Variants in MED14 observed in about 807,000 individuals in gnomAD.
MED14 encodes the protein mediator of RNA polymerase II transcription subunit 14.
In MED14, 8 loss-of-function variants were observed where a neutral mutation model predicts 109.0. The ratio of observed to expected loss-of-function variants is 0.07; its 90% CI spans 0.04 to 0.13. The LOEUF is 0.13. MED14 is among the 10% of genes least tolerant of loss of function. The pLI is 1.00. For missense variants in MED14, 711 were observed against 1,142.4 expected (o/e 0.62, Z 5.44); for synonymous variants, 399 against 408.7 (o/e 0.98, Z 0.29).
rs948254965 is a variant in MED14 at position 40,651,692 on chromosome X, T to C, written c.*114A>G. 9.3e-7 allele frequency: 1 copy of C among 1,069,769 alleles called. No homozygotes were observed. Among genetic ancestry groups the C allele is most frequent in the African/African-American group, 1.9e-5 (1 of 51,483 alleles). The allele number at this position is 1,069,769 out of a possible 1,213,427, so 88.2% of individuals were successfully genotyped here. A position where few individuals can be genotyped will look rare whatever the true frequency, so the allele number is the denominator to read the frequency against. On this transcript the variant is annotated 3_prime_UTR_variant, in exon 31 of 31. Coordinates refer to ENST00000324817, the MANE Select transcript of MED14 (RefSeq NM_004229.4). Reference sequence around the variant, plus strand: ...TGAAAATTTTTGCCAGTTTAGAATATTTAGCTCTTAAAGTTTAAAAAAAAA... The same window carrying C: ...TGAAAATTTTTGCCAGTTTAGAATACTTAGCTCTTAAAGTTTAAAAAAAAA...
At chrX:40,724,136 G>A (rs1931822998) in intron 3 of MED14, among the ~76,000 whole-genome samples, 1 of 112,151 alleles carries the variant, frequency 8.9e-6, no homozygotes, top group African/African-American at 3.2e-5. Context: ...TTCAGCAAAA[G>A]GATATGATTG....
chrX:40,727,724 C>T lies in MED14; in HGVS notation c.243-873G>A, dbSNP rs755626691. 2.9e-4 allele frequency among the ~76,000 whole-genome samples: 32 copies of T among 111,556 alleles called. 1 individual carries two copies. Among genetic ancestry groups the T allele is most frequent in the Admixed American group, 1.0e-3 (11 of 10,508 alleles). The stretch of plus-strand genomic sequence containing the variant: ...ACCGATGACCAGACCCAGCAGGACA[C>T]CAACCTCCCTCCAAGTAGACTCTGA... On this transcript the variant is annotated intron_variant, in intron 2 of 30. Transcript: ENST00000324817.
chrX:40,661,368 C>T (rs773166696), intron 26 of MED14, among the ~76,000 whole-genome samples: 1 of 108,212 alleles, frequency 9.2e-6, no homozygotes, highest in East Asian at 2.8e-4. Context: ...AGGCATGAGC[C>T]ACCACGCCTG....
At chrX:40,723,374 C>T (rs1413095740) in intron 3 of MED14, among the ~76,000 whole-genome samples, 2 of 111,347 alleles carry the variant, frequency 1.8e-5, no homozygotes, top group African/African-American at 6.5e-5. Context: ...AAATCAAAAA[C>T]CATACAATGG....
intron 19 of MED14, 62 bp downstream of exon 19, chrX:40,681,790 T>C (rs1483186625): frequency 1.6e-6 from 1 of 631,125 alleles, no homozygotes; most frequent in East Asian, 3.6e-5. Context: ...TTTTCATGTT[T>C]TTTTAATTCT....
intron 30 of MED14, among the ~76,000 whole-genome samples, chrX:40,653,279 AAAG>A (rs1314113140): frequency 1.8e-5 from 2 of 111,811 alleles, no homozygotes; most frequent in Non-Finnish European, 3.8e-5. Flanking sequence ...TTTTTAGCTG[AAAG>A]AAGAGAGAAG....
At chrX:40,734,158 T>C (rs1444548705) in intron 1 of MED14, among the ~76,000 whole-genome samples, 1 of 111,998 alleles carries the variant, frequency 8.9e-6, no homozygotes. Flanking sequence ...AATCCAACAA[T>C]AAATGGTGCA....
intron 10 of MED14, among the ~76,000 whole-genome samples, chrX:40,703,891 C>T (rs185188170): frequency 2.2e-4 from 25 of 112,298 alleles, no homozygotes; most frequent in African/African-American, 5.5e-4. Context: ...TTTACTTTCA[C>T]TTGGTAATTA....
In MED14 at chrX:40,650,811, G is replaced by A; in HGVS notation, c.*995C>T. ...CAATTTTGGTGGGGAAGGAAAGGAG[G>A]ATAAGTTAAGCAAGATAAAGAAAGC... On this transcript the variant is annotated 3_prime_UTR_variant, in exon 31 of 31. Coordinates refer to ENST00000324817, the MANE Select transcript of MED14 (RefSeq NM_004229.4). The A allele has an allele frequency of 1.3e-6, 1 of 753,734 alleles. No individual in the cohort carries two copies. Among genetic ancestry groups the A allele is most frequent in the Non-Finnish European group, 1.6e-6 (1 of 638,820 alleles). 62.1% of individuals were successfully genotyped at this position (753,734 alleles called of 1,213,427 possible).
intron 28 of MED14, among the ~76,000 whole-genome samples, chrX:40,658,522 C>T (rs1037051513): frequency 4.5e-5 from 5 of 109,903 alleles, no homozygotes; most frequent in Non-Finnish European, 9.5e-5. Flanking sequence ...GAAAAAAGTA[C>T]AAAACAGGAT....
intron 22 of MED14, among the ~76,000 whole-genome samples, chrX:40,672,312 C>T (rs1232105863): frequency 8.9e-6 from 1 of 111,986 alleles, no homozygotes; most frequent in African/African-American, 3.2e-5. Flanking sequence ...ACATTTTCCC[C>T]CCACACTTTA....
Position 40,664,495 on chromosome X carries a change from A to C in MED14, c.3266-6T>G. ...GGAACTAGGGTCAAGAGTTCCTATAAAAAAGGTAAACAAATGATTCTCAAA... is the reference window on the plus strand; with the variant it reads ...GGAACTAGGGTCAAGAGTTCCTATACAAAAGGTAAACAAATGATTCTCAAA... On this transcript the variant is annotated splice_polypyrimidine_tract_variant and splice_region_variant and intron_variant, in intron 24 of 30. Coordinates refer to ENST00000324817, the MANE Select transcript of MED14 (RefSeq NM_004229.4). 1 of 1,052,229 alleles carries C rather than the reference A, an allele frequency of 9.5e-7. No homozygotes were observed. The highest frequency in any genetic ancestry group is 1.2e-6 in the Non-Finnish European group (1 of 808,984). The allele number at this position is 1,052,229 out of a possible 1,213,427, so 86.7% of individuals were successfully genotyped here.
rs1214687429 is a variant in MED14 at position 40,659,451 on chromosome X, A to G, written c.3841T>C (p.Leu1281=). 4 of 1,208,217 alleles carry G rather than the reference A, an allele frequency of 3.3e-6. No individual in the cohort carries two copies. Among genetic ancestry groups the G allele is most frequent in the African/African-American group, 3.5e-5 (2 of 57,213 alleles). ...GQWKPDELQV[L]EKFFETRVAG... The stretch of plus-strand genomic sequence containing the variant: ...ACTCTTGTTTCAAAGAATTTCTCCA[A>G]AACTTGAAGTTCATCAGGTTTCCAC... Residue 1281 remains leucine (L), a synonymous_variant, in exon 27 of 31, where the codon TTG becomes CTG. Transcript: ENST00000324817.
At chrX:40,686,466 A>G (rs1930298117) in intron 16 of MED14, among the ~76,000 whole-genome samples, 1 of 112,042 alleles carries the variant, frequency 8.9e-6, no homozygotes, top group Non-Finnish European at 1.9e-5. Context: ...ACCAAATGCA[A>G]TTGGAAGTAT....
Position 40,649,478 on chromosome X carries a change from A to T in MED14, c.*2328T>A. 2.4e-6 allele frequency: 1 copy of T among 422,965 alleles called. No homozygotes were observed. Among genetic ancestry groups the T allele is most frequent in the Non-Finnish European group, 3.2e-6 (1 of 310,482 alleles). 34.9% of individuals were successfully genotyped at this position (422,965 alleles called of 1,213,427 possible). A position where few individuals can be genotyped will look rare whatever the true frequency, so the allele number is the denominator to read the frequency against. The stretch of plus-strand genomic sequence containing the variant: ...AGGACCAATTTCTTATTTCAAGGTT[A>T]AATTAATACTAAACCAGACTATTAA... On this transcript the variant is annotated 3_prime_UTR_variant, in exon 31 of 31. Transcript: ENST00000324817.
intron 24 of MED14, among the ~76,000 whole-genome samples, chrX:40,665,695 A>G (rs771908675): frequency 8.9e-6 from 1 of 112,690 alleles, no homozygotes; most frequent in Non-Finnish European, 1.9e-5. Flanking sequence ...ATGCAGGATA[A>G]CAGACATTCT....
chrX:40,674,548 G>T (rs1261444518), intron 22 of MED14, among the ~76,000 whole-genome samples: 1 of 112,104 alleles, frequency 8.9e-6, no homozygotes, highest in African/African-American at 3.2e-5. Context: ...TTGCCTACAG[G>T]CTGTGTGCTC....
chrX:40,658,146 A>G (rs1183763447), intron 28 of MED14, among the ~76,000 whole-genome samples: 1 of 107,987 alleles, frequency 9.3e-6, no homozygotes, highest in Non-Finnish European at 1.9e-5. Context: ...GCTGGAGTGC[A>G]GTGGCATGAT....
intron 16 of MED14, among the ~76,000 whole-genome samples, chrX:40,686,049 T>C (rs1758591392): frequency 8.9e-6 from 1 of 111,854 alleles, no homozygotes; most frequent in Admixed American, 9.5e-5. Context: ...TTATTTACAT[T>C]TTTTTCTTCT....
Sources: gnomAD v4.1 joint callset for allele counts (sites outside exome capture counted in the v4.1 genomes callset) on GRCh38, gnomAD v4.1.1 for gene constraint, MANE v1.5 for transcripts, NCBI Gene and HGNC (gene_info 2026-07-23, HGNC 2026-07-21) for gene names.